The following PTPRO variants were observed in gnomAD, a reference collection of about 807,000 sequenced individuals.
The protein encoded by PTPRO is protein tyrosine phosphatase receptor type O, also known as receptor-type tyrosine-protein phosphatase O.
A neutral mutation model predicts 145.2 loss-of-function variants in PTPRO; 62 were observed. The ratio of observed to expected loss-of-function variants is 0.43; its 90% CI spans 0.35 to 0.53. PTPRO has a LOEUF of 0.53. PTPRO is among the 20% of genes least tolerant of loss of function. PTPRO has a pLI of 0.01. For missense variants in PTPRO, 1,345 were observed against 1,482.7 expected, an observed-to-expected ratio of 0.91 and a Z score of 1.53; for synonymous variants, 565 against 514.7, an observed-to-expected ratio of 1.10 and a Z score of -1.32.
At position 15,497,243 on chromosome 12, in the gene PTPRO, A is replaced by G; in HGVS notation, c.350-2A>G. ...CTTTCTCCATTTACTTCACTTCTGT[A>G]GAACCTCTACCTGTAACCAGTGTTT... On this transcript the variant is annotated splice_acceptor_variant, in intron 2 of 26. Transcript: ENST00000281171. LOFTEE classifies it high-confidence loss of function. 6.4e-7 allele frequency: 1 copy of G among 1,560,868 alleles called. No individual in the cohort carries two copies. The highest frequency in any genetic ancestry group is 8.8e-7 in the Non-Finnish European group (1 of 1,132,604).
chr12:15,352,095 A>G (rs1438276258), intron 1 of PTPRO, among the ~76,000 whole-genome samples: 5 of 152,024 alleles, frequency 3.3e-5, no homozygotes, highest in African/African-American at 1.2e-4. Flanking sequence ...CATTATCTTG[A>G]CTCTTGGCTG....
intron 1 of PTPRO, among the ~76,000 whole-genome samples, chr12:15,456,970 T>G (rs1941194292): frequency 6.6e-6 from 1 of 152,236 alleles, no homozygotes; most frequent in African/African-American, 2.4e-5. Flanking sequence ...GGTTCTGTTC[T>G]AATCTTTATT....
chr12:15,454,784 A>T (rs1941134143), intron 1 of PTPRO, among the ~76,000 whole-genome samples: 1 of 151,760 alleles, frequency 6.6e-6, no homozygotes, highest in South Asian at 2.1e-4. Context: ...GTCCAATTTC[A>T]TTGTTTTGCA....
intron 1 of PTPRO, among the ~76,000 whole-genome samples, chr12:15,380,410 G>GA (rs1555152278): frequency 1.3e-5 from 2 of 151,948 alleles, no homozygotes; most frequent in Admixed American, 6.6e-5. Context: ...GCAAGGAGAA[G>GA]AAGAAAAGGT....
chr12:15,335,610 G>T (rs1191882221), intron 1 of PTPRO, among the ~76,000 whole-genome samples: 1 of 152,054 alleles, frequency 6.6e-6, no homozygotes, highest in East Asian at 1.9e-4. Context: ...TATTGACAAA[G>T]CTTTGCTAAA....
At position 15,581,649 on chromosome 12, in the gene PTPRO, T is replaced by C. The variant is rs192298188; in HGVS notation, c.3133-30T>C. ...CTTAATTCCTTTCCTAGCCTGTTTG[T>C]TTTAAAAAATTGTTTTGTCCTTGCT... On this transcript the variant is annotated intron_variant, in intron 22 of 26. Coordinates refer to ENST00000281171, the MANE Select transcript of PTPRO (RefSeq NM_030667.3). The C allele has an allele frequency of 2.4e-4, 383 of 1,611,912 alleles. 1 individual carries two copies. In the African/African-American group the frequency reaches 4.7e-3, roughly 20 times the overall value.
chr12:15,337,862 G>T (rs1271507477), intron 1 of PTPRO, among the ~76,000 whole-genome samples: 1 of 152,172 alleles, frequency 6.6e-6, no homozygotes, highest in East Asian at 1.9e-4. Context: ...TTATGATGAA[G>T]GAAAGTTTCA....
At chr12:15,467,803 C>T (rs1413089351) in intron 1 of PTPRO, among the ~76,000 whole-genome samples, 1 of 152,246 alleles carries the variant, frequency 6.6e-6, no homozygotes, top group Non-Finnish European at 1.5e-5. Flanking sequence ...CCTAACACCT[C>T]CAGGTGAAAC....
Position 15,479,322 on chromosome 12 carries a change from GGAA to G in PTPRO, c.76-4647_76-4645del, listed in dbSNP as rs1309452515. 1.3e-4 allele frequency among the ~76,000 whole-genome samples: 20 copies of G among 152,284 alleles called. 1 individual carries two copies. Among genetic ancestry groups the G allele is most frequent in the African/African-American group, 4.8e-4 (20 of 41,564 alleles). On this transcript the variant is annotated intron_variant, in intron 1 of 26. Coordinates refer to ENST00000281171, the MANE Select transcript of PTPRO (RefSeq NM_030667.3). ...AATTGGAAGCTCTGGGGTTAACTGA[GGAA>G]GAAGGGGAGAATTGATAGCACCTCA...
intron 3 of PTPRO, 58 bp downstream of exon 3, chr12:15,497,461 C>G: frequency 6.5e-7 from 1 of 1,543,554 alleles, no homozygotes; most frequent in Admixed American, 1.7e-5. Flanking sequence ...CAAAGCTTTT[C>G]CCAAATGATG....
intron 1 of PTPRO, among the ~76,000 whole-genome samples, chr12:15,353,058 G>A (rs984963493): frequency 2.0e-5 from 3 of 152,172 alleles, no homozygotes; most frequent in African/African-American, 7.2e-5. Flanking sequence ...CTGATTTCTT[G>A]CATCATTACC....
At chr12:15,453,633 A>G (rs1279512878) in intron 1 of PTPRO, among the ~76,000 whole-genome samples, 1 of 152,220 alleles carries the variant, frequency 6.6e-6, no homozygotes, top group Non-Finnish European at 1.5e-5. Flanking sequence ...TTAAGTGTAT[A>G]TTTGTTTTGT....
intron 12 of PTPRO, chr12:15,546,216 G>A (rs1426580207): frequency 1.8e-6 from 1 of 561,444 alleles, no homozygotes; most frequent in Non-Finnish European, 2.4e-6. Flanking sequence ...TTTATTAAGT[G>A]CAGATTTTTG....
intron 1 of PTPRO, among the ~76,000 whole-genome samples, chr12:15,426,156 A>G (rs79033195): frequency 0.014 from 2,178 of 151,592 alleles, 70 homozygotes; most frequent in African/African-American, 0.05. Context: ...CTTATTTCTA[A>G]GTATTTTATC....
chr12:15,551,751 C>A, intron 15 of PTPRO, 80 bp downstream of exon 15: 1 of 1,487,030 alleles, frequency 6.7e-7, no homozygotes, highest in Non-Finnish European at 9.3e-7. Flanking sequence ...TTTTGCACAC[C>A]TAAGTTGTAT....
chr12:15,520,254 G>A lies in PTPRO; in HGVS notation c.1833G>A (p.Val611=). The A allele has an allele frequency of 6.2e-7, 1 of 1,613,940 alleles. No individual in the cohort carries two copies. The highest frequency in any genetic ancestry group is 8.5e-7 in the Non-Finnish European group (1 of 1,179,902). Residue 611 remains valine (V), a synonymous_variant, in exon 10 of 27, where the codon GTG becomes GTA. Coordinates refer to ENST00000281171, the MANE Select transcript of PTPRO (RefSeq NM_030667.3). ...AWYYNFRVTM[V]TWGDPELSCC... ...ACTACAACTTCCGGGTTACCATGGT[G>A]ACGTGGGGAGATCCAGAATTGAGCT...
At chr12:15,445,068 T>C (rs1161223280) in intron 1 of PTPRO, among the ~76,000 whole-genome samples, 1 of 152,166 alleles carries the variant, frequency 6.6e-6, no homozygotes, top group Non-Finnish European at 1.5e-5. Context: ...TATTTACTGA[T>C]GTGCTGAGTT....
At chr12:15,546,935 C>G (rs1943307516) in intron 13 of PTPRO, among the ~76,000 whole-genome samples, 2 of 152,038 alleles carry the variant, frequency 1.3e-5, no homozygotes, top group Non-Finnish European at 2.9e-5. Context: ...ATAAGTCACT[C>G]CAGGTCAGAC....
intron 1 of PTPRO, among the ~76,000 whole-genome samples, chr12:15,480,484 C>T (rs1941755144): frequency 6.6e-6 from 1 of 152,116 alleles, no homozygotes; most frequent in African/African-American, 2.4e-5. Flanking sequence ...ATTCTTTTAG[C>T]TTTGGCTGGG....
Sources: gnomAD v4.1 joint callset for allele counts (sites outside exome capture counted in the v4.1 genomes callset) on GRCh38, gnomAD v4.1.1 for gene constraint, MANE v1.5 for transcripts, NCBI Gene and HGNC (gene_info 2026-07-23, HGNC 2026-07-21) for gene names.